SNX29: variants seen among roughly 807,000 people sequenced by gnomAD.
The protein encoded by SNX29 is sorting nexin 29.
Under a neutral mutation model 102.1 loss-of-function variants are expected in SNX29, and 78 were observed. The ratio of observed to expected loss-of-function variants is 0.76; its 90% CI spans 0.64 to 0.92. SNX29 has a LOEUF of 0.92. Ranked by LOEUF, SNX29 falls within the 40% of genes least tolerant of loss-of-function variation. The pLI is 0.00. For missense variants in SNX29, 1,280 were observed against 1,061.7 expected (o/e 1.21, Z -2.86); for synonymous variants, 580 against 414.5 (o/e 1.40, Z -4.85).
At chr16:12,244,042 C>A (rs2078189795) in intron 14 of SNX29, among the ~76,000 whole-genome samples, 1 of 152,146 alleles carries the variant, frequency 6.6e-6, no homozygotes, top group South Asian at 2.1e-4. Flanking sequence ...TAGATTTTCA[C>A]AAGGAGTGCT....
chr16:12,541,227 G>C (rs1055157548), intron 20 of SNX29, among the ~76,000 whole-genome samples: 1 of 152,142 alleles, frequency 6.6e-6, no homozygotes, highest in East Asian at 1.9e-4. Flanking sequence ...TGGAGAGAAG[G>C]ACTATGGAAC....
At chr16:12,043,268 A>T (rs2049959385) in intron 5 of SNX29, among the ~76,000 whole-genome samples, 191 bp downstream of exon 5, 1 of 152,060 alleles carries the variant, frequency 6.6e-6, no homozygotes, top group Non-Finnish European at 1.5e-5. Flanking sequence ...ACTGCCTGTA[A>T]AGGGCTCGGC....
intron 20 of SNX29, among the ~76,000 whole-genome samples, chr16:12,538,624 G>C (rs111556733): frequency 2.7e-4 from 41 of 152,268 alleles, no homozygotes; most frequent in African/African-American, 9.6e-4. Flanking sequence ...GCCTTGACTA[G>C]GAAGAATGGA....
At chr16:12,516,797 C>T (rs2089886185) in intron 19 of SNX29, among the ~76,000 whole-genome samples, 1 of 152,122 alleles carries the variant, frequency 6.6e-6, no homozygotes. Flanking sequence ...CACTGGGGAG[C>T]GGGACATGCG....
chr16:12,353,964 G>A (rs2082062327), intron 15 of SNX29, among the ~76,000 whole-genome samples: 1 of 152,170 alleles, frequency 6.6e-6, no homozygotes, highest in Non-Finnish European at 1.5e-5. Flanking sequence ...TGAAAAATAA[G>A]AAGGTCAGAT....
At chr16:12,469,822 C>G (rs1359378149) in intron 18 of SNX29, among the ~76,000 whole-genome samples, 2 of 152,094 alleles carry the variant, frequency 1.3e-5, no homozygotes, top group Admixed American at 6.5e-5. Flanking sequence ...ACCAGCCTGG[C>G]CAACATGGTG....
rs138781976 is a variant in SNX29, at chr16:12,152,213, C to G, written c.1595+22455C>G. Among the ~76,000 whole-genome samples, 27 of 151,900 alleles carry G rather than the reference C, an allele frequency of 1.8e-4. No individual in the cohort carries two copies. In the East Asian group the frequency reaches 4.9e-3, roughly 27 times the overall value. On this transcript the variant is annotated intron_variant, in intron 13 of 20. Coordinates refer to ENST00000566228, the MANE Select transcript of SNX29 (RefSeq NM_032167.5). ...TCCAGCCTGGGCAGCAAAGCAAGAC[C>G]CTATCTTAAAAAAAAAATGCATGCA...
intron 13 of SNX29, among the ~76,000 whole-genome samples, chr16:12,174,411 C>T (rs1352095856): frequency 1.3e-5 from 2 of 152,164 alleles, no homozygotes; most frequent in African/African-American, 2.4e-5. Flanking sequence ...CAAGATACAT[C>T]GTTTGAGATT....
At chr16:12,553,715 G>A (rs909766305) in intron 20 of SNX29, among the ~76,000 whole-genome samples, 8 of 150,710 alleles carry the variant, frequency 5.3e-5, no homozygotes, top group East Asian at 3.9e-4. Flanking sequence ...AGCCTACCAC[G>A]CAGCTGGGAT....
chr16:12,389,454 T>C (rs1567513503), intron 16 of SNX29, among the ~76,000 whole-genome samples: 1 of 152,178 alleles, frequency 6.6e-6, no homozygotes, highest in East Asian at 1.9e-4. Flanking sequence ...CGCTTGGCTC[T>C]CATTCTCCTG....
At position 12,024,697 on chromosome 16, in the gene SNX29, A is replaced by G. The variant is rs1360925133; in HGVS notation, c.123-2623A>G. On this transcript the variant is annotated intron_variant, in intron 3 of 20. Transcript: ENST00000566228. ...GATTTGTGCAGTTCGCCTGCATTCC[A>G]TTCCTCTTAGGGCCCTGGTTTTATC... Among the ~76,000 whole-genome samples, 6 of 152,230 alleles carry G rather than the reference A, an allele frequency of 3.9e-5. 1 individual carries two copies. Among genetic ancestry groups the G allele is most frequent in the South Asian group, 4.1e-4 (2 of 4,824 alleles).
intron 3 of SNX29, among the ~76,000 whole-genome samples, chr16:12,016,695 C>T (rs891426784): frequency 6.6e-6 from 1 of 152,142 alleles, no homozygotes; most frequent in African/African-American, 2.4e-5. Context: ...TTTTCCTGTG[C>T]TTGTTGGCCA....
chr16:12,043,152 T>A, intron 5 of SNX29, 75 bp downstream of exon 5: 3 of 1,555,122 alleles, frequency 1.9e-6, no homozygotes, highest in South Asian at 2.3e-5. Context: ...TCAGACCACC[T>A]GGATTTTCAT....
At chr16:12,087,369 A>G in intron 11 of SNX29, 1 of 164,740 alleles carries the variant, frequency 6.1e-6, no homozygotes, top group Non-Finnish European at 1.3e-5. Flanking sequence ...ATGAGCCGAG[A>G]TCGTGCCACT....
At chr16:12,323,809 C>G (rs2081035459) in intron 15 of SNX29, among the ~76,000 whole-genome samples, 1 of 152,174 alleles carries the variant, frequency 6.6e-6, no homozygotes, top group Non-Finnish European at 1.5e-5. Context: ...GGACCTCCCT[C>G]CCAGAGATGT....
intron 19 of SNX29, among the ~76,000 whole-genome samples, chr16:12,499,242 T>G (rs1231073573): frequency 6.6e-6 from 1 of 152,192 alleles, no homozygotes; most frequent in Non-Finnish European, 1.5e-5. Flanking sequence ...GGCAGGCAGG[T>G]CATGCATTTC....
In SNX29 at chr16:12,267,245, AGT is replaced by A. The variant is rs59796551; in HGVS notation, c.1679-10673_1679-10672del. Among the ~76,000 whole-genome samples, 219 of 150,640 alleles carry A rather than the reference AGT, an allele frequency of 1.5e-3. 1 individual carries two copies. The highest frequency in any genetic ancestry group is 3.5e-3 in the Middle Eastern group (1 of 286). On this transcript the variant is annotated intron_variant, in intron 14 of 20. Coordinates refer to ENST00000566228, the MANE Select transcript of SNX29 (RefSeq NM_032167.5). ...AACCAAAAATGTTAGCATGGGTGCG[AGT>A]GTGTGTGTGTGTGTATGTGTGGCAT...
chr16:12,096,280 G>T lies in SNX29; in HGVS notation c.1402+17365G>T, dbSNP rs763702072. Among the ~76,000 whole-genome samples, 3 of 152,130 alleles carry T rather than the reference G, an allele frequency of 2.0e-5. No homozygotes were observed. Among genetic ancestry groups the T allele is most frequent in the Non-Finnish European group, 2.9e-5 (2 of 68,022 alleles). ...CTTAGTAATTGGAAGGTTCCAGATG[G>T]CATTTAGACATGCCTCACTTCTTTA... On this transcript the variant is annotated intron_variant, in intron 11 of 20. Transcript: ENST00000566228. This position sits in a 1 kb window ranked among gnomAD's most constrained non-coding sequence, Gnocchi z 4.2.
chr16:12,184,366 C>T (rs767869747), intron 13 of SNX29, among the ~76,000 whole-genome samples: 6 of 152,110 alleles, frequency 3.9e-5, no homozygotes, highest in Non-Finnish European at 7.3e-5. Context: ...TGCCATGCAC[C>T]GTGCTGAATG....
Sources: allele counts gnomAD v4.1 joint callset (sites outside exome capture counted in the v4.1 genomes callset), GRCh38; gene constraint gnomAD v4.1.1; non-coding constraint Gnocchi (gnomAD v3.1); transcripts MANE v1.5; gene names NCBI Gene and HGNC (gene_info 2026-07-23, HGNC 2026-07-21).